The following SLC2A6 variants were observed in gnomAD, a reference collection of about 807,000 sequenced individuals.
The protein encoded by SLC2A6 is solute carrier family 2 member 6.
SLC2A6 carries 39 observed loss-of-function variants against 47.8 expected under a neutral mutation model. The ratio of observed to expected loss-of-function variants is 0.82; its 90% CI spans 0.63 to 1.07. The LOEUF is 1.07. Among genes scored for constraint, SLC2A6 ranks in the 50% least tolerant of loss-of-function variants. The pLI, the probability that SLC2A6 is intolerant of heterozygous loss-of-function variation, is 0.00. For synonymous variants in SLC2A6, 346 were observed against 324.1 expected, an observed-to-expected ratio of 1.07 and a Z score of -0.73; for missense variants, 650 against 707.6, an observed-to-expected ratio of 0.92 and a Z score of 0.92.
chr9:133,474,773 G>T (rs1344823420), intron 6 of SLC2A6, among the ~76,000 whole-genome samples, 188 bp downstream of exon 6: 1 of 152,220 alleles, frequency 6.6e-6, no homozygotes, highest in Non-Finnish European at 1.5e-5. Context: ...GAGAACAGGT[G>T]AAGGCACTGG....
chr9:133,475,466 C>T lies in SLC2A6; in HGVS notation c.708G>A (p.Trp236Ter), dbSNP rs782383755. ...GGACATCGACGTCCGTCCCACGCAG[C>T]CAGGCCAGCGCCCGCAGGGCCTCTT... ...RDEEALRALA[W>*]LRGTDVDVHW... is the part of the protein sequence containing the mutation. The change falls in exon 5 of 10, where the codon TGG (tryptophan) becomes TGA (stop). Residue 236 changes from tryptophan (W) to a stop codon, truncating the protein, a stop_gained. Coordinates refer to ENST00000371899, the MANE Select transcript of SLC2A6 (RefSeq NM_017585.4). LOFTEE classifies it high-confidence loss of function. 1.9e-6 allele frequency: 3 copies of T among 1,611,874 alleles called. No homozygotes were observed. The highest frequency in any genetic ancestry group is 1.1e-5 in the South Asian group (1 of 91,020).
intron 6 of SLC2A6, among the ~76,000 whole-genome samples, 196 bp from the exon 7 acceptor site, chr9:133,474,284 C>T (rs1843859085): frequency 6.6e-6 from 1 of 152,266 alleles, no homozygotes; most frequent in African/African-American, 2.4e-5. Flanking sequence ...GACACATCTG[C>T]TCTGCCCACC....
chr9:133,473,384 G>A, intron 8 of SLC2A6, 31 bp downstream of exon 8: 1 of 1,556,796 alleles, frequency 6.4e-7, no homozygotes, highest in Non-Finnish European at 8.7e-7. Flanking sequence ...ACCCAAGACA[G>A]CCTGCCCCTC....
At chr9:133,475,652 G>T (rs781995611) in intron 4 of SLC2A6, 41 bp from the exon 5 acceptor site, 2 of 1,509,058 alleles carry the variant, frequency 1.3e-6, no homozygotes, top group Non-Finnish European at 1.8e-6. Context: ...TCCAGGCCTG[G>T]TACAGCCCCT....
intron 9 of SLC2A6, 33 bp downstream of exon 9, chr9:133,473,072 C>T: frequency 1.3e-6 from 2 of 1,584,938 alleles, no homozygotes; most frequent in Non-Finnish European, 1.7e-6. Flanking sequence ...CAGAGAGGGC[C>T]TAGGGGCCTG....
At chr9:133,472,223 C>G (rs587687677) in intron 9 of SLC2A6, 47 bp from the exon 10 acceptor site, 2 of 1,602,420 alleles carry the variant, frequency 1.2e-6, no homozygotes, top group African/African-American at 2.7e-5. Context: ...GCTCCAGGGT[C>G]CTCCTGCCCC....
At chr9:133,476,990 A>G in intron 3 of SLC2A6, 45 bp downstream of exon 3, 1 of 1,533,894 alleles carries the variant, frequency 6.5e-7, no homozygotes, top group South Asian at 1.2e-5. Flanking sequence ...GCTCAGCACC[A>G]ATACAGAGGC....
In SLC2A6 at chr9:133,471,258, C is replaced by T. The variant is rs887936013; in HGVS notation, c.*763G>A. The T allele has an allele frequency of 1.4e-5, 2 of 141,976 alleles. No individual in the cohort carries two copies. Among genetic ancestry groups the T allele is most frequent in the East Asian group, 2.1e-4 (1 of 4,732 alleles). The allele number at this position is 141,976 out of a possible 1,614,324, so 8.8% of individuals were successfully genotyped here. On this transcript the variant is annotated 3_prime_UTR_variant, in exon 10 of 10. Transcript: ENST00000371899. ...GGCAGGGGGTGGGGACGGAGTTTCA[C>T]TCTCGTTGCCCAGGCTGGAGTGCAA...
intron 3 of SLC2A6, 38 bp downstream of exon 3, chr9:133,476,997 A>G: frequency 1.3e-6 from 2 of 1,529,688 alleles, no homozygotes; most frequent in Middle Eastern, 2.3e-4. Context: ...ACCAATACAG[A>G]GGCATTGGGG....
chr9:133,478,468 G>A (rs782661163), intron 1 of SLC2A6, 52 bp from the exon 2 acceptor site: 9 of 1,600,506 alleles, frequency 5.6e-6, no homozygotes, highest in Admixed American at 1.7e-5. Context: ...CCTCCTCCAG[G>A]GACCATTGCC....
Position 133,476,236 on chromosome 9 carries a change from C to G in SLC2A6, c.562+1G>C, listed in dbSNP as rs1357636746. 1.2e-6 allele frequency: 2 copies of G among 1,611,130 alleles called. No individual in the cohort carries two copies. The highest frequency in any genetic ancestry group is 2.7e-5 in the African/African-American group (2 of 75,030). Reference sequence around the variant, plus strand: ...ACACAGGAGTGCGGGGCCATACTTGCCAAGGGCGTAGAGGGACAGGGATCC... The same window carrying G: ...ACACAGGAGTGCGGGGCCATACTTGGCAAGGGCGTAGAGGGACAGGGATCC... On this transcript the variant is annotated splice_donor_variant, in intron 4 of 9. Coordinates refer to ENST00000371899, the MANE Select transcript of SLC2A6 (RefSeq NM_017585.4). LOFTEE classifies it high-confidence loss of function.
In SLC2A6 at chr9:133,477,105, C is replaced by T. The variant is rs942113694; in HGVS notation, c.392G>A (p.Gly131Asp). ...AGYALMAGAH[G>D]LWMLLLGRTL... ...CCTTCCGAGCAGCAGCATCCAGAGG[C>T]CGTGCGCACCCGCCATGAGCGCATA... The change falls in exon 3 of 10, where the codon GGC (glycine) becomes GAC (aspartate). Residue 131 changes from glycine (G) to aspartate (D), a missense_variant. Gly to Asp is a moderately conservative substitution (Grantham distance 94, BLOSUM62 -1). Transcript: ENST00000371899. 2 of 1,546,632 alleles carry T rather than the reference C, an allele frequency of 1.3e-6. No homozygotes were observed. Among genetic ancestry groups the T allele is most frequent in the Admixed American group, 2.0e-5 (1 of 50,392 alleles).
intron 1 of SLC2A6, 116 bp downstream of exon 1, chr9:133,478,851 TG>T: frequency 3.6e-6 from 3 of 842,666 alleles, no homozygotes; most frequent in Non-Finnish European, 5.4e-6. Flanking sequence ...GGGAGCCAGA[TG>T]GCCCCTCGGT....
rs782523417 is a variant in SLC2A6 at position 133,476,309 on chromosome 9, CT to C, written c.489del (p.Gly164AlafsTer44). ...GTGGCCCCCAGAGCCCCACGAACGCCTGGGGGAGCAATCTCAGACACGTACA... is the reference window on the plus strand; with the variant it reads ...GTGGCCCCCAGAGCCCCACGAACGCCGGGGGAGCAATCTCAGACACGTACA... ...IPVYVSEIAP[P>X]GVRGALGATP... is the part of the protein sequence containing the mutation. On this transcript the variant is annotated frameshift_variant, in exon 4 of 10. Transcript: ENST00000371899. LOFTEE classifies it high-confidence loss of function. 6.2e-7 allele frequency: 1 copy of C among 1,613,076 alleles called. No individual in the cohort carries two copies. Among genetic ancestry groups the C allele is most frequent in the South Asian group, 1.1e-5 (1 of 91,084 alleles).
chr9:133,478,228 A>G lies in SLC2A6; in HGVS notation c.255+26T>C, dbSNP rs587677135. 3 of 1,612,464 alleles carry G rather than the reference A, an allele frequency of 1.9e-6. No individual in the cohort carries two copies. In the South Asian group the frequency reaches 3.3e-5, roughly 18 times the overall value. ...CAGCAGGTCCCTCCTTCCTGCACCC[A>G]CCCTCCTCCAGAGGATGGTCCTTAC... On this transcript the variant is annotated intron_variant, in intron 2 of 9. Coordinates refer to ENST00000371899, the MANE Select transcript of SLC2A6 (RefSeq NM_017585.4).
chr9:133,472,210 G>A, intron 9 of SLC2A6, 34 bp from the exon 10 acceptor site: 1 of 1,608,248 alleles, frequency 6.2e-7, no homozygotes, highest in Non-Finnish European at 8.5e-7. Flanking sequence ...GTCACAGGGA[G>A]AAGCTCCAGG....
chr9:133,473,543 C>T lies in SLC2A6; in HGVS notation c.1094G>A (p.Arg365Lys), dbSNP rs782100165. The change falls in exon 8 of 10, where the codon AGG becomes AAG. Residue 365 changes from arginine to lysine, a missense_variant. Coordinates refer to ENST00000371899, the MANE Select transcript of SLC2A6 (RefSeq NM_017585.4). ...CGCAGTGCTGTTGGGGCTCAGAGGC[C>T]TGGGGCCAAAGTGGATGTACAGCCC... is the stretch of plus-strand genomic sequence containing the variant. ...TLGLYIHFGP[R>K]PLSPNSTAGL... is the part of the protein sequence containing the mutation. 3.2e-6 allele frequency: 5 copies of T among 1,582,784 alleles called. No individual in the cohort carries two copies. The highest frequency in any genetic ancestry group is 1.2e-5 in the South Asian group (1 of 85,582).
rs138268344 is a variant in SLC2A6 at position 133,474,065 on chromosome 9, G to A, written c.951C>T (p.Ile317=). The change falls in exon 7 of 10, where the codon ATC becomes ATT. Residue 317 remains isoleucine (I), a synonymous_variant. Coordinates refer to ENST00000371899, the MANE Select transcript of SLC2A6 (RefSeq NM_017585.4). ...CGGACAGGAGCCGCACGGCCCCAACGATGGCTGCGTCGTCCTTGGGGGGCT... is the reference window on the plus strand; with the variant it reads ...CGGACAGGAGCCGCACGGCCCCAACAATGGCTGCGTCGTCCTTGGGGGGCT... ...VLLPPKDDAA[I]VGAVRLLSVL... The A allele has an allele frequency of 1.1e-4, 181 of 1,608,668 alleles. 1 individual carries two copies. In the African/African-American group the frequency reaches 1.8e-3, roughly 16 times the overall value.
At position 133,474,083 on chromosome 9, in the gene SLC2A6, G is replaced by A; in HGVS notation, c.933C>T (p.Pro311=). Residue 311 remains proline, a synonymous_variant, in exon 7 of 10, where the codon CCC becomes CCT. Transcript: ENST00000371899. Reference sequence around the variant, plus strand: ...CCCCAACGATGGCTGCGTCGTCCTTGGGGGGCTATCGGGGGGAGACCACCA... The same window carrying A: ...CCCCAACGATGGCTGCGTCGTCCTTAGGGGGCTATCGGGGGGAGACCACCA... ...IFDSTAVLLP[P]KDDAAIVGAV... 1 of 1,601,984 alleles carries A rather than the reference G, an allele frequency of 6.2e-7. No homozygotes were observed. Among genetic ancestry groups the A allele is most frequent in the Non-Finnish European group, 8.5e-7 (1 of 1,175,742 alleles).
Sources: gnomAD v4.1 joint callset for allele counts (sites outside exome capture counted in the v4.1 genomes callset) on GRCh38, gnomAD v4.1.1 for gene constraint, MANE v1.5 for transcripts, NCBI Gene and HGNC (gene_info 2026-07-23, HGNC 2026-07-21) for gene names.